The following AMD1 variants were observed in gnomAD, a reference collection of about 807,000 sequenced individuals.
The protein encoded by AMD1 is S-adenosylmethionine decarboxylase proenzyme.
In AMD1, 11 loss-of-function variants were observed where a neutral mutation model predicts 40.2. The ratio of observed to expected loss-of-function variants is 0.27; its 90% CI spans 0.17 to 0.45. The LOEUF (loss-of-function observed/expected upper bound fraction) is 0.45. Ranked by LOEUF, AMD1 falls within the 20% of genes least tolerant of loss-of-function variation. AMD1 has a pLI of 1.00. For synonymous variants in AMD1, 121 were observed against 130.8 expected (o/e 0.93, Z 0.51); for missense variants, 257 against 410.2 (o/e 0.63, Z 3.23).
chr6:110,858,036 G>C, the AMD1 span, among the ~76,000 whole-genome samples: 1 of 152,004 alleles, frequency 6.6e-6, no homozygotes, highest in South Asian at 2.1e-4. Flanking sequence ...TAGAGACATG[G>C]TTTTGCTATG....
the AMD1 span, among the ~76,000 whole-genome samples, chr6:110,847,063 G>T: frequency 3.4e-3 from 481 of 143,274 alleles, 4 homozygotes; most frequent in African/African-American, 0.011. Context: ...GTGTGTGTGT[G>T]GTGTGTGTGT....
chr6:110,848,574 G>T, the AMD1 span: 1 of 444,302 alleles, frequency 2.3e-6, no homozygotes, highest in Non-Finnish European at 3.7e-6. Flanking sequence ...TGTTTAACTT[G>T]TGGACAAAGA....
intron 1 of AMD1, among the ~76,000 whole-genome samples, chr6:110,879,948 T>C (rs1226784052): frequency 6.6e-6 from 1 of 152,046 alleles, no homozygotes; most frequent in Non-Finnish European, 1.5e-5. Flanking sequence ...ATGGGATCCT[T>C]CTGTATTTAA....
the AMD1 span, among the ~76,000 whole-genome samples, chr6:110,820,728 C>A: frequency 1.3e-5 from 2 of 151,836 alleles, no homozygotes; most frequent in Admixed American, 6.6e-5. Context: ...ACGGTGAAAC[C>A]CCCATCTTTA....
chr6:110,830,674 C>T, the AMD1 span, among the ~76,000 whole-genome samples: 1 of 152,222 alleles, frequency 6.6e-6, no homozygotes, highest in Non-Finnish European at 1.5e-5. Context: ...ACCTCTGCTG[C>T]TGCTATACAC....
At chr6:110,817,651 C>T in the AMD1 span, among the ~76,000 whole-genome samples, 1 of 152,104 alleles carries the variant, frequency 6.6e-6, no homozygotes, top group African/African-American at 2.4e-5. Flanking sequence ...CTCAGTTGCT[C>T]TTGTTGCCAT....
chr6:110,823,648 T>C, the AMD1 span, among the ~76,000 whole-genome samples: 2 of 152,200 alleles, frequency 1.3e-5, no homozygotes, highest in South Asian at 2.1e-4. Flanking sequence ...TATTCTTGTA[T>C]CTCTAGTTCC....
upstream of AMD1, among the ~76,000 whole-genome samples, chr6:110,873,340 GGC>G (rs1784953943): frequency 6.6e-6 from 1 of 152,156 alleles, no homozygotes; most frequent in South Asian, 2.1e-4. Flanking sequence ...CTCCAGCCTG[GGC>G]AACAGAGCGA....
chr6:110,878,050 CA>C (rs1475212524), intron 1 of AMD1, among the ~76,000 whole-genome samples: 2 of 152,112 alleles, frequency 1.3e-5, no homozygotes, highest in Non-Finnish European at 2.9e-5. Context: ...ATGGAGAACC[CA>C]AAACAGTCCT....
the AMD1 span, among the ~76,000 whole-genome samples, chr6:110,857,256 G>A: frequency 4.9e-4 from 74 of 151,514 alleles, no homozygotes; most frequent in Non-Finnish European, 7.5e-4. Flanking sequence ...CACTATAGCC[G>A]GGCACAGTGA....
the AMD1 span, chr6:110,859,178 C>CT: frequency 1.0e-6 from 1 of 978,554 alleles, no homozygotes; most frequent in Non-Finnish European, 1.5e-6. Flanking sequence ...CCCATATCAT[C>CT]TCCCCGTCTG....
At chr6:110,831,436 C>A in the AMD1 span, among the ~76,000 whole-genome samples, 2 of 145,986 alleles carry the variant, frequency 1.4e-5, no homozygotes, top group African/African-American at 2.6e-5. Context: ...AAGACTCCGT[C>A]TCAAAAAAAA....
intron 1 of AMD1, among the ~76,000 whole-genome samples, chr6:110,875,418 C>T (rs1227466392): frequency 6.6e-6 from 1 of 152,120 alleles, no homozygotes. Context: ...CTTCTCCCGC[C>T]GTGGTTGCCG....
At chr6:110,881,940 T>A (rs1785430760) in intron 1 of AMD1, among the ~76,000 whole-genome samples, 1 of 152,210 alleles carries the variant, frequency 6.6e-6, no homozygotes, top group African/African-American at 2.4e-5. Context: ...ATCTTGCTTC[T>A]CTTGATTCTG....
chr6:110,816,364 A>T, the AMD1 span, among the ~76,000 whole-genome samples: 81 of 152,322 alleles, frequency 5.3e-4, no homozygotes, highest in East Asian at 0.014. Context: ...AGTTAGGGTG[A>T]ACGTTGATTG....
chr6:110,883,237 G>T (rs1785500699), intron 1 of AMD1, among the ~76,000 whole-genome samples: 1 of 152,178 alleles, frequency 6.6e-6, no homozygotes, highest in African/African-American at 2.4e-5. Context: ...GCTATCCAAG[G>T]ACTCTGAGAA....
chr6:110,843,320 T>G, the AMD1 span, among the ~76,000 whole-genome samples: 3 of 147,240 alleles, frequency 2.0e-5, no homozygotes, highest in Non-Finnish European at 3.0e-5. Flanking sequence ...AAAAATTAGC[T>G]GGGCGCAGTG....
chr6:110,882,861 A>G (rs989960518), intron 1 of AMD1, among the ~76,000 whole-genome samples: 5 of 152,312 alleles, frequency 3.3e-5, no homozygotes, highest in African/African-American at 9.6e-5. Flanking sequence ...GCACGTGCCT[A>G]TAATCCTAGC....
the AMD1 span, among the ~76,000 whole-genome samples, chr6:110,867,113 C>CAACAA: frequency 6.6e-6 from 1 of 151,376 alleles, no homozygotes; most frequent in African/African-American, 2.4e-5. Context: ...GGGCCTGGCC[C>CAACAA]AACAACACTT....
Sources: allele counts gnomAD v4.1 joint callset (sites outside exome capture counted in the v4.1 genomes callset), GRCh38; gene constraint gnomAD v4.1.1; transcripts MANE v1.5; gene names NCBI Gene and HGNC (gene_info 2026-07-23, HGNC 2026-07-21).